The following KLF7 variants were observed in gnomAD, a reference collection of about 807,000 sequenced individuals.
The protein encoded by KLF7 is KLF transcription factor 7, also known as Krueppel-like factor 7.
A neutral mutation model predicts 27.3 loss-of-function variants in KLF7; 2 were observed. The ratio of observed to expected loss-of-function variants is 0.07; its 90% CI spans 0.03 to 0.23. The LOEUF (loss-of-function observed/expected upper bound fraction) is 0.23. Ranked by LOEUF, KLF7 falls within the 10% of genes least tolerant of loss-of-function variation. KLF7 has a pLI of 1.00. For synonymous variants in KLF7, 165 were observed against 162.4 expected (o/e 1.02, Z -0.12); for missense variants, 221 against 394.1 (o/e 0.56, Z 3.72).
chr2:207,080,723 A>T lies in KLF7; in HGVS notation c.*490T>A, dbSNP rs2076250944. The T allele has an allele frequency of 2.5e-6, 1 of 397,978 alleles. No homozygotes were observed. The highest frequency in any genetic ancestry group is 4.4e-6 in the Non-Finnish European group (1 of 225,908). 24.7% of individuals were successfully genotyped at this position (397,978 alleles called of 1,614,324 possible). A position where few individuals can be genotyped will look rare whatever the true frequency, so the allele number is the denominator to read the frequency against. ...TGGTTTTCTAGGTCATTTTCCCCCA[A>T]CTATTTAAAAAGAAACATTAGTGCT... On this transcript the variant is annotated 3_prime_UTR_variant, in exon 4 of 4. Coordinates refer to ENST00000309446, the MANE Select transcript of KLF7 (RefSeq NM_003709.4).
chr2:207,137,237 G>A (rs1323107215), intron 1 of KLF7, among the ~76,000 whole-genome samples: 1 of 152,116 alleles, frequency 6.6e-6, no homozygotes, highest in East Asian at 1.9e-4. Flanking sequence ...AAGCACTTGA[G>A]GGTCACAGGA....
chr2:207,158,353 C>CA (rs1178111577), intron 1 of KLF7, among the ~76,000 whole-genome samples: 1 of 141,064 alleles, frequency 7.1e-6, no homozygotes, highest in Admixed American at 7.0e-5. Flanking sequence ...AAAAACCTCT[C>CA]AGAGGTTGAG....
chr2:207,100,444 C>T (rs561059539), intron 2 of KLF7, among the ~76,000 whole-genome samples: 7 of 152,202 alleles, frequency 4.6e-5, no homozygotes, highest in African/African-American at 1.7e-4. Flanking sequence ...GTTGTTTTGA[C>T]ACATAATAAT....
At chr2:207,169,688 T>C (rs914551208), upstream of KLF7, among the ~76,000 whole-genome samples, 9 of 152,338 alleles carry the variant, frequency 5.9e-5, no homozygotes, top group African/African-American at 2.2e-4. Context: ...GTACCCACTT[T>C]ATGTCTCTGT....
chr2:207,082,180 A>G (rs2105848141), intron 3 of KLF7, among the ~76,000 whole-genome samples: 1 of 152,150 alleles, frequency 6.6e-6, no homozygotes, highest in South Asian at 2.1e-4. Context: ...CTGCATTCTC[A>G]TTTGTGTGAG....
intron 3 of KLF7, among the ~76,000 whole-genome samples, chr2:207,081,945 C>T (rs941213165): frequency 6.6e-6 from 1 of 151,022 alleles, no homozygotes; most frequent in Non-Finnish European, 1.5e-5. Flanking sequence ...TTCCCAATAT[C>T]ACGCCATCCT....
At chr2:207,152,450 G>A (rs1027099789) in intron 1 of KLF7, among the ~76,000 whole-genome samples, 1 of 152,146 alleles carries the variant, frequency 6.6e-6, no homozygotes, top group Non-Finnish European at 1.5e-5. Flanking sequence ...CTCCCACTTA[G>A]ACCAAGAGGC....
At chr2:207,083,995 T>C (rs138953705) in intron 3 of KLF7, among the ~76,000 whole-genome samples, 142 of 152,300 alleles carry the variant, frequency 9.3e-4, no homozygotes, top group African/African-American at 3.3e-3. Flanking sequence ...CCAGTGAGAC[T>C]TGTGTTGGAC....
chr2:207,120,093 A>G (rs977331754), intron 2 of KLF7, among the ~76,000 whole-genome samples: 5 of 152,080 alleles, frequency 3.3e-5, no homozygotes, highest in Non-Finnish European at 5.9e-5. Flanking sequence ...CCTCCAGCTC[A>G]GTACCCCCAT....
In KLF7 at chr2:207,078,271, C is replaced by T. The variant is rs1193146093; in HGVS notation, c.*2942G>A. 1.3e-5 allele frequency: 2 copies of T among 152,190 alleles called. No individual in the cohort carries two copies. Among genetic ancestry groups the T allele is most frequent in the African/African-American group, 4.8e-5 (2 of 41,438 alleles). 9.4% of individuals were successfully genotyped at this position (152,190 alleles called of 1,614,324 possible). On this transcript the variant is annotated 3_prime_UTR_variant, in exon 4 of 4. Transcript: ENST00000309446. ...ATGACTCTGAAGCAAGCAAGCACCA[C>T]CATTGAGTTTCAATGCACCCTGCTC...
intron 3 of KLF7, among the ~76,000 whole-genome samples, chr2:207,082,999 C>T (rs2076310202): frequency 6.6e-6 from 1 of 152,210 alleles, no homozygotes; most frequent in African/African-American, 2.4e-5. Flanking sequence ...AAAAGTACAA[C>T]TGAAAACAAT....
intron 2 of KLF7, among the ~76,000 whole-genome samples, chr2:207,098,249 G>A (rs1242240818): frequency 6.6e-6 from 1 of 151,982 alleles, no homozygotes; most frequent in Non-Finnish European, 1.5e-5. Flanking sequence ...AAAACTTAAT[G>A]TCATCTTGGA....
chr2:207,080,210 G>C lies in KLF7; in HGVS notation c.*1003C>G, dbSNP rs2076244083. 1 of 152,200 alleles carries C rather than the reference G, an allele frequency of 6.6e-6. No homozygotes were observed. The highest frequency in any genetic ancestry group is 2.1e-4 in the South Asian group (1 of 4,836). 9.4% of individuals were successfully genotyped at this position (152,200 alleles called of 1,614,324 possible). A position where few individuals can be genotyped will look rare whatever the true frequency, so the allele number is the denominator to read the frequency against. The stretch of plus-strand genomic sequence containing the variant: ...CGAGAGCTGGACATCCAGGTGCCGA[G>C]AGAGTCCTGGAGAGGTTTAGTCCAT... On this transcript the variant is annotated 3_prime_UTR_variant, in exon 4 of 4. Transcript: ENST00000309446.
intron 1 of KLF7, among the ~76,000 whole-genome samples, chr2:207,157,268 G>C: frequency 7.0e-6 from 1 of 143,770 alleles, no homozygotes; most frequent in Non-Finnish European, 1.5e-5. Flanking sequence ...ACTCAAAACT[G>C]TAAAGCATCA....
rs1339472601 is a variant in KLF7 at position 207,080,055 on chromosome 2, G to A, written c.*1158C>T. Reference sequence around the variant, plus strand: ...AATACGCAGCTGCCCTCTGAGACTAGCGACATCTATGCTGTAACTGGTTAT... The same window carrying A: ...AATACGCAGCTGCCCTCTGAGACTAACGACATCTATGCTGTAACTGGTTAT... On this transcript the variant is annotated 3_prime_UTR_variant, in exon 4 of 4. Transcript: ENST00000309446. 1.3e-5 allele frequency: 2 copies of A among 152,172 alleles called. No homozygotes were observed. The highest frequency in any genetic ancestry group is 4.8e-5 in the African/African-American group (2 of 41,438). The allele number at this position is 152,172 out of a possible 1,614,324, so 9.4% of individuals were successfully genotyped here.
At chr2:207,088,075 A>G (rs192322501) in intron 3 of KLF7, among the ~76,000 whole-genome samples, 2 of 152,304 alleles carry the variant, frequency 1.3e-5, no homozygotes, top group East Asian at 3.9e-4. Flanking sequence ...TCTTATTACT[A>G]TAGATGAGGG....
At chr2:207,131,391 C>T (rs1180648536) in intron 1 of KLF7, among the ~76,000 whole-genome samples, 1 of 152,200 alleles carries the variant, frequency 6.6e-6, no homozygotes, top group Non-Finnish European at 1.5e-5. Context: ...GAAACAAACC[C>T]CTTGCCTTTC....
At position 207,081,203 on chromosome 2, in the gene KLF7, T is replaced by A. The variant is rs2076263022; in HGVS notation, c.*10A>T. ...AGCCGATGCCATGGCAACTCTGGCCTTTCGGTTTTTTAGATATGTCTCTTC... is the reference window on the plus strand; with the variant it reads ...AGCCGATGCCATGGCAACTCTGGCCATTCGGTTTTTTAGATATGTCTCTTC... On this transcript the variant is annotated 3_prime_UTR_variant, in exon 4 of 4. Transcript: ENST00000309446. 6.2e-7 allele frequency: 1 copy of A among 1,613,678 alleles called. No individual in the cohort carries two copies. Among genetic ancestry groups the A allele is most frequent in the African/African-American group, 1.3e-5 (1 of 75,028 alleles).
intron 1 of KLF7, among the ~76,000 whole-genome samples, chr2:207,141,662 C>T (rs2077945130): frequency 6.6e-6 from 1 of 152,060 alleles, no homozygotes; most frequent in Admixed American, 6.6e-5. Flanking sequence ...CCAATTGTTT[C>T]AATGTTGGCA....
Sources: allele counts gnomAD v4.1 joint callset (sites outside exome capture counted in the v4.1 genomes callset), GRCh38; gene constraint gnomAD v4.1.1; transcripts MANE v1.5; gene names NCBI Gene and HGNC (gene_info 2026-07-23, HGNC 2026-07-21).